The following CYB5R1 variants were observed in gnomAD, a reference collection of about 807,000 sequenced individuals.
CYB5R1 encodes the protein NADH-cytochrome b5 reductase 1.
In CYB5R1, 32 loss-of-function variants were observed where a neutral mutation model predicts 37.4. The observed-to-expected ratio is 0.86, with a 90% CI of 0.65 to 1.15. CYB5R1 has a LOEUF of 1.15. Among genes scored for constraint, CYB5R1 ranks in the 50% most tolerant of loss-of-function variants. The pLI is 0.00. For missense variants in CYB5R1, 345 were observed against 382.5 expected, an observed-to-expected ratio of 0.90 and a Z score of 0.82; for synonymous variants, 159 against 155.2, an observed-to-expected ratio of 1.02 and a Z score of -0.18.
chr1:202,966,851 G>GA lies in CYB5R1; in HGVS notation c.62dup (p.Gly22ArgfsTer24). 6.2e-7 allele frequency: 1 copy of GA among 1,613,802 alleles called. No individual in the cohort carries two copies. Among genetic ancestry groups the GA allele is most frequent in the Non-Finnish European group, 8.5e-7 (1 of 1,179,870 alleles). On this transcript the variant is annotated frameshift_variant, in exon 2 of 9. Transcript: ENST00000367249. LOFTEE classifies it high-confidence loss of function. ...CCAAGTAGGAGCCCACAGCCAGGCC[G>GA]AGCAGAGTGACCAGCCCCACCCCCA... is the stretch of plus-strand genomic sequence containing the variant.
chr1:202,966,795 A>G lies in CYB5R1; in HGVS notation c.119T>C (p.Leu40Pro). The G allele has an allele frequency of 2.5e-6, 4 of 1,614,134 alleles. No individual in the cohort carries two copies. Among genetic ancestry groups the G allele is most frequent in the Non-Finnish European group, 3.4e-6 (4 of 1,180,000 alleles). Residue 40 changes from leucine to proline, a missense_variant, in exon 2 of 9, where the codon CTC (leucine) becomes CCC (proline). By Grantham distance (98) the Leu-to-Pro change is moderately conservative (BLOSUM62 -3). Coordinates refer to ENST00000367249, the MANE Select transcript of CYB5R1 (RefSeq NM_016243.3). ...CAGGTACTTTTCATTGGGGTCCAGG[A>G]GAGTGACCTGAGGCCGGCGGGACCT... Reference protein sequence around the residue: ...VRRSRRPQVTLLDPNEKYLLR... With the variant: ...VRRSRRPQVTPLDPNEKYLLR...
chr1:202,964,752 AAAAC>A, intron 5 of CYB5R1, 57 bp from the exon 6 acceptor site: 1 of 1,270,248 alleles, frequency 7.9e-7, no homozygotes, highest in South Asian at 1.2e-5. Context: ...GCGAACTTAG[AAAAC>A]AAATGCAGAG....
Position 202,966,555 on chromosome 1 carries a change from C to G in CYB5R1, c.211G>C (p.Ala71Pro). 1 of 1,614,156 alleles carries G rather than the reference C, an allele frequency of 6.2e-7. No individual in the cohort carries two copies. Among genetic ancestry groups the G allele is most frequent in the Non-Finnish European group, 8.5e-7 (1 of 1,180,026 alleles). ...ACAGGCAGCCCCAGAGTGTGGTGGG[C>G]GGTGGGCAGGGCAAAGCGGAACCTC... ...TKRFRFALPT[A>P]HHTLGLPVGK... The change falls in exon 3 of 9, where the codon GCC becomes CCC. Residue 71 changes from alanine to proline, a missense_variant. Transcript: ENST00000367249.
At position 202,963,711 on chromosome 1, in the gene CYB5R1, T is replaced by C; in HGVS notation, c.576A>G (p.Leu192=). Reference sequence around the variant, plus strand: ...CTTTCAGGATGGCCCGGATCAGCTGTAGCATTGGGGTGATTCCTGCATGAA... The same window carrying C: ...CTTTCAGGATGGCCCGGATCAGCTGCAGCATTGGGGTGATTCCTGCATGAA... ...IAGGTGITPM[L]QLIRAILKVP... The change falls in exon 7 of 9, where the codon CTA becomes CTG. Residue 192 remains leucine, a synonymous_variant. Coordinates refer to ENST00000367249, the MANE Select transcript of CYB5R1 (RefSeq NM_016243.3). The C allele has an allele frequency of 1.2e-6, 2 of 1,609,038 alleles. No homozygotes were observed. The highest frequency in any genetic ancestry group is 4.5e-5 in the East Asian group (2 of 44,724).
chr1:202,966,948 G>A (rs1480712696), intron 1 of CYB5R1, 50 bp from the exon 2 acceptor site: 2 of 1,545,304 alleles, frequency 1.3e-6, no homozygotes, highest in African/African-American at 1.4e-5. Context: ...AGAGCCCGGG[G>A]CTTGGGTGGT....
intron 6 of CYB5R1, 117 bp downstream of exon 6, chr1:202,964,495 G>C (rs948593961): frequency 2.3e-6 from 2 of 874,990 alleles, no homozygotes; most frequent in Admixed American, 3.6e-5. Context: ...AGCATTGCTG[G>C]AAATCCCCTG....
chr1:202,962,615 A>T lies in CYB5R1; in HGVS notation c.830T>A (p.Leu277His). The change falls in exon 9 of 9, where the codon CTT (leucine) becomes CAT (histidine). Residue 277 changes from leucine (L) to histidine (H), a missense_variant. Transcript: ENST00000367249. Reference sequence around the variant, plus strand: ...CTGCACCATTGGGGGTGGCCCACAAAGCAGTACCAGCACATCATCCCCTGG... The same window carrying T: ...CTGCACCATTGGGGGTGGCCCACAATGCAGTACCAGCACATCATCCCCTGG... ...PAPGDDVLVL[L>H]CGPPPMVQLA... is the part of the protein sequence containing the mutation. 1.2e-6 allele frequency: 2 copies of T among 1,614,150 alleles called. No individual in the cohort carries two copies. Among genetic ancestry groups the T allele is most frequent in the Non-Finnish European group, 1.7e-6 (2 of 1,180,036 alleles).
In CYB5R1 at chr1:202,964,650, C is replaced by T. The variant is rs759006994; in HGVS notation, c.521G>A (p.Arg174Gln). Reference sequence around the variant, plus strand: ...AATCATTCCCAGTTTCTTCGCCACTCGGGGTTCTGGTGGAGATTTCTTGTT... The same window carrying T: ...AATCATTCCCAGTTTCTTCGCCACTTGGGGTTCTGGTGGAGATTTCTTGTT... ...QPNKKSPPEP[R>Q]VAKKLGMIAG... The change falls in exon 6 of 9, where the codon CGA becomes CAA. Residue 174 changes from arginine to glutamine, a missense_variant. Coordinates refer to ENST00000367249, the MANE Select transcript of CYB5R1 (RefSeq NM_016243.3). The T allele has an allele frequency of 2.0e-5, 32 of 1,613,740 alleles. No individual in the cohort carries two copies. The highest frequency in any genetic ancestry group is 9.9e-5 in the South Asian group (9 of 91,066).
In CYB5R1 at chr1:202,965,935, A is replaced by G. The variant is rs1197857391; in HGVS notation, c.297T>C (p.Thr99=). 1 of 1,613,926 alleles carries G rather than the reference A, an allele frequency of 6.2e-7. No individual in the cohort carries two copies. The highest frequency in any genetic ancestry group is 8.5e-7 in the Non-Finnish European group (1 of 1,179,946). ...CTTGATCCTCATCACTGGTGACAGGAGTGTATGGCCTGATGACCAGGCTGC... is the reference window on the plus strand; with the variant it reads ...CTTGATCCTCATCACTGGTGACAGGGGTGTATGGCCTGATGACCAGGCTGC... ...IDGSLVIRPY[T]PVTSDEDQGY... Residue 99 remains threonine, a synonymous_variant, in exon 4 of 9, where the codon ACT becomes ACC. Coordinates refer to ENST00000367249, the MANE Select transcript of CYB5R1 (RefSeq NM_016243.3).
In CYB5R1 at chr1:202,966,749, C is replaced by T. The variant is rs1655103645; in HGVS notation, c.165G>A (p.Thr55=). 1.2e-6 allele frequency: 2 copies of T among 1,613,824 alleles called. No individual in the cohort carries two copies. Among genetic ancestry groups the T allele is most frequent in the South Asian group, 1.1e-5 (1 of 91,052 alleles). The change falls in exon 2 of 9, where the codon ACG becomes ACA. Residue 55 remains threonine (T), a splice_region_variant and synonymous_variant. Transcript: ENST00000367249. ...EKYLLRLLDK[T]TVSHNTKRFR... ...CCTGGCCCTTTCTTCCCCAACTTAC[C>T]GTCTTGTCTAGCAGTCGTAGCAGGT...
chr1:202,966,366 G>A (rs1049421093), intron 3 of CYB5R1, 162 bp downstream of exon 3: 24 of 744,834 alleles, frequency 3.2e-5, no homozygotes, highest in Non-Finnish European at 5.2e-5. Context: ...ACTCTAGAGG[G>A]GCCCAGTGGC....
chr1:202,966,895 G>C lies in CYB5R1; in HGVS notation c.19C>G (p.Pro7Ala), dbSNP rs143624135. 1 of 1,606,848 alleles carries C rather than the reference G, an allele frequency of 6.2e-7. No homozygotes were observed. The highest frequency in any genetic ancestry group is 1.3e-5 in the African/African-American group (1 of 74,830). Residue 7 changes from proline to alanine, a missense_variant, in exon 2 of 9, where the codon CCC becomes GCC. By Grantham distance (27) the Pro-to-Ala change is conservative. Coordinates refer to ENST00000367249, the MANE Select transcript of CYB5R1 (RefSeq NM_016243.3). MGIQTS[P>A]VLLASLGVGL... ...ACCCCCAGGGAGGCCAGCAGGACGGGGCTCTGTGGGTAGAGGAGGCAGCGT... is the reference window on the plus strand; with the variant it reads ...ACCCCCAGGGAGGCCAGCAGGACGGCGCTCTGTGGGTAGAGGAGGCAGCGT...
At chr1:202,966,925 G>T (rs762550329) in intron 1 of CYB5R1, 27 bp from the exon 2 acceptor site, 4 of 1,576,502 alleles carry the variant, frequency 2.5e-6, no homozygotes, top group Non-Finnish European at 3.4e-6. Flanking sequence ...CAGCGTGACC[G>T]CCAGGCTGGG....
At position 202,963,691 on chromosome 1, in the gene CYB5R1, A is replaced by C. The variant is rs11544742; in HGVS notation, c.596T>G (p.Leu199Arg). The C allele has an allele frequency of 1.2e-6, 2 of 1,610,528 alleles. No homozygotes were observed. Among genetic ancestry groups the C allele is most frequent in the African/African-American group, 2.7e-5 (2 of 74,954 alleles). Reference sequence around the variant, plus strand: ...CTGGGTTGGATCTTCAGGGACTTTCAGGATGGCCCGGATCAGCTGTAGCAT... The same window carrying C: ...CTGGGTTGGATCTTCAGGGACTTTCCGGATGGCCCGGATCAGCTGTAGCAT... ...TPMLQLIRAI[L>R]KVPEDPTQCF... Residue 199 changes from leucine to arginine, a missense_variant, in exon 7 of 9, where the codon CTG becomes CGG. Coordinates refer to ENST00000367249, the MANE Select transcript of CYB5R1 (RefSeq NM_016243.3).
chr1:202,964,796 G>A, intron 5 of CYB5R1, 101 bp from the exon 6 acceptor site: 2 of 835,230 alleles, frequency 2.4e-6, no homozygotes, highest in Admixed American at 3.8e-5. Context: ...CAGTTGAGCA[G>A]CTGCTATGAC....
In CYB5R1 at chr1:202,964,759, A is replaced by G. The variant is rs1396954532; in HGVS notation, c.476-64T>C. 63 of 1,219,736 alleles carry G rather than the reference A, an allele frequency of 5.2e-5. No homozygotes were observed. The East Asian group carries it at 1.5e-3, about 28-fold the overall frequency. 75.6% of individuals were successfully genotyped at this position (1,219,736 alleles called of 1,614,324 possible). A position where few individuals can be genotyped will look rare whatever the true frequency, so the allele number is the denominator to read the frequency against. On this transcript the variant is annotated intron_variant, in intron 5 of 8. Coordinates refer to ENST00000367249, the MANE Select transcript of CYB5R1 (RefSeq NM_016243.3). ...TCAATACAGCGAACTTAGAAAACAA[A>G]TGCAGAGTTGAAAATATGCCTGAGG...
At chr1:202,963,022 T>G in intron 8 of CYB5R1, 44 bp downstream of exon 8, 1 of 1,544,754 alleles carries the variant, frequency 6.5e-7, no homozygotes, top group Non-Finnish European at 9.0e-7. Context: ...GCTTTGATTT[T>G]GACGATGAGG....
rs1399438007 is a variant in CYB5R1, at chr1:202,964,643, C to CGCCA, written c.524_527dup (p.Lys177GlyfsTer28). ...CGCCGGCAATCATTCCCAGTTTCTT[C>CGCCA]GCCACTCGGGGTTCTGGTGGAGATT... On this transcript the variant is annotated frameshift_variant, in exon 6 of 9. Transcript: ENST00000367249. LOFTEE classifies it high-confidence loss of function. The CGCCA allele has an allele frequency of 1.2e-6, 2 of 1,613,664 alleles. No individual in the cohort carries two copies. The highest frequency in any genetic ancestry group is 1.7e-6 in the Non-Finnish European group (2 of 1,179,776).
At chr1:202,966,241 T>G in intron 3 of CYB5R1, 1 of 594,350 alleles carries the variant, frequency 1.7e-6, no homozygotes, top group Non-Finnish European at 3.0e-6. Flanking sequence ...GCCAAAAGGG[T>G]CTGGGCAATG....
Sources: gnomAD v4.1 joint callset for allele counts on GRCh38, gnomAD v4.1.1 for gene constraint, MANE v1.5 for transcripts, NCBI Gene and HGNC (gene_info 2026-07-23, HGNC 2026-07-21) for gene names.